CDH23: variants seen among roughly 807,000 people sequenced by gnomAD.
The protein encoded by CDH23 is cadherin related 23.
CDH23 carries 189 observed loss-of-function variants against 317.1 expected under a neutral mutation model. That is an observed-to-expected ratio of 0.60 (90% CI 0.53 to 0.67). CDH23 has a LOEUF of 0.67. Ranked by LOEUF, CDH23 falls within the 30% of genes least tolerant of loss-of-function variation. CDH23 has a pLI of 0.00. For missense variants in CDH23, 4,401 were observed against 4,592.4 expected, an observed-to-expected ratio of 0.96 and a Z score of 1.20; for synonymous variants, 1,839 against 1,876.8, an observed-to-expected ratio of 0.98 and a Z score of 0.52.
chr10:71,790,251 G>T (rs1841210303), intron 45 of CDH23, 37 bp from the exon 46 acceptor site: 1 of 1,611,014 alleles, frequency 6.2e-7, no homozygotes. Flanking sequence ...CAGGGGGCTG[G>T]GTTGGTCTTG....
intron 3 of CDH23, among the ~76,000 whole-genome samples, chr10:71,451,448 G>A (rs573726245): frequency 4.6e-5 from 7 of 152,164 alleles, no homozygotes; most frequent in African/African-American, 9.6e-5. Context: ...CCCCCACCCC[G>A]CTATCCCCCT....
intron 27 of CDH23, among the ~76,000 whole-genome samples, chr10:71,710,763 G>T (rs1203443168): frequency 2.0e-5 from 3 of 152,368 alleles, no homozygotes; most frequent in Non-Finnish European, 4.4e-5. Flanking sequence ...CCATGCAAGG[G>T]CCTGGAGGTG....
At chr10:71,605,507 C>T (rs1343243494) in intron 9 of CDH23, among the ~76,000 whole-genome samples, 1 of 152,176 alleles carries the variant, frequency 6.6e-6, no homozygotes, top group Non-Finnish European at 1.5e-5. Flanking sequence ...GCCCCAAATG[C>T]CACAGTGCTG....
Position 71,812,570 on chromosome 10 carries a change from T to A in CDH23, c.9471T>A (p.Ser3157Arg). 4 of 1,613,690 alleles carry A rather than the reference T, an allele frequency of 2.5e-6. No individual in the cohort carries two copies. The highest frequency in any genetic ancestry group is 3.4e-6 in the Non-Finnish European group (4 of 1,179,834). The change falls in exon 67 of 70, where the codon AGT becomes AGA. Residue 3157 changes from serine (S) to arginine (R), a missense_variant. Physicochemically the swap from Ser to Arg is moderately radical, Grantham distance 110 (BLOSUM62 -1). Around this residue, in one of 3 missense-constraint regions of CDH23, gnomAD observed 1,144 missense variants for 1,138.2 expected, o/e 1.01. Coordinates refer to ENST00000224721, the MANE Select transcript of CDH23 (RefSeq NM_022124.6). ...EHEDDLPENL[S>R]EIADLWNSPT... ...AGGATGACCTACCGGAGAACCTGAG[T>A]GAGATCGCCGACCTGTGGAACAGCC...
At chr10:71,725,297 C>T (rs1400725101) in intron 29 of CDH23, 75 bp from the exon 30 acceptor site, 2 of 1,606,008 alleles carry the variant, frequency 1.2e-6, no homozygotes, top group Non-Finnish European at 1.7e-6. Flanking sequence ...CTTCTGCCCC[C>T]AACCATGGCA....
intron 6 of CDH23, among the ~76,000 whole-genome samples, chr10:71,532,711 G>GTTTTTTTTTGTTTTTTTTTTTTTTTTT (rs1855452212): frequency 2.3e-5 from 3 of 128,098 alleles, no homozygotes; most frequent in East Asian, 2.0e-4. Flanking sequence ...TTTTGTTTTT[G>GTTTTTTTTTGTTTTTTTTTTTTTTTTT]TTTTTTTTTT....
intron 1 of CDH23, among the ~76,000 whole-genome samples, chr10:71,413,841 A>G (rs1848431400): frequency 6.6e-6 from 1 of 152,210 alleles, no homozygotes; most frequent in East Asian, 1.9e-4. Flanking sequence ...GCTTAGCAAT[A>G]TTTGTTAGTT....
intron 32 of CDH23, chr10:71,732,721 A>T: frequency 8.3e-7 from 1 of 1,208,542 alleles, no homozygotes; most frequent in Non-Finnish European, 1.0e-6. Flanking sequence ...GTTTATACCT[A>T]TGCAGGCTGG....
At chr10:71,571,855 T>A (rs10999886) in intron 8 of CDH23, among the ~76,000 whole-genome samples, 86 of 152,304 alleles carry the variant, frequency 5.6e-4, no homozygotes, top group African/African-American at 2.0e-3. Context: ...CTCGTGAGCG[T>A]TCAGGGCCCC....
intron 53 of CDH23, 38 bp from the exon 54 acceptor site, chr10:71,802,860 C>G: frequency 6.2e-7 from 1 of 1,612,226 alleles, no homozygotes; most frequent in Non-Finnish European, 8.5e-7. Context: ...CTGCCCCATC[C>G]TGCTCCTTAC....
chr10:71,716,043 A>C, intron 28 of CDH23: 1 of 1,507,764 alleles, frequency 6.6e-7, no homozygotes, highest in Non-Finnish European at 8.9e-7. Context: ...CTGTGCAGGG[A>C]GAGGCGCAAG....
chr10:71,761,756 C>T, intron 38 of CDH23: 4 of 1,614,130 alleles, frequency 2.5e-6, no homozygotes, highest in Non-Finnish European at 3.4e-6. Context: ...CGACTCCAGC[C>T]CGTGGCGCTG....
At chr10:71,612,575 G>A (rs1189270193) in intron 9 of CDH23, among the ~76,000 whole-genome samples, 1 of 151,978 alleles carries the variant, frequency 6.6e-6, no homozygotes, top group African/African-American at 2.4e-5. Flanking sequence ...CTAAACATTT[G>A]ATAGGCTCCT....
At chr10:71,602,209 T>G (rs1860268864) in intron 9 of CDH23, among the ~76,000 whole-genome samples, 1 of 152,122 alleles carries the variant, frequency 6.6e-6, no homozygotes, top group South Asian at 2.1e-4. Context: ...ACTCTGGAAC[T>G]TGCAGCACTT....
rs763748085 is a variant in CDH23, at chr10:71,810,559, G to C, written c.9067G>C (p.Asp3023His). 6 of 1,613,946 alleles carry C rather than the reference G, an allele frequency of 3.7e-6. No homozygotes were observed. The South Asian group carries it at 4.4e-5, about 12-fold the overall frequency. Residue 3023 changes from aspartate (D) to histidine (H), a missense_variant, in exon 62 of 70, where the codon GAC (aspartate) becomes CAC (histidine). Physicochemically the swap from Asp to His is moderately conservative, Grantham distance 81. Coordinates refer to ENST00000224721, the MANE Select transcript of CDH23 (RefSeq NM_022124.6). The stretch of plus-strand genomic sequence containing the variant: ...GAACCGCGATACCAACCGCATCCTG[G>C]ACGTGGACCGGTGAGTCGGGGCCTG... Reference protein sequence around the residue: ...VVNRDTNRILDVDRVIQMIDE... With the variant: ...VVNRDTNRILHVDRVIQMIDE...
rs1251075845 is a variant in CDH23 at position 71,704,978 on chromosome 10, C to T, written c.2801C>T (p.Pro934Leu). 3 of 1,612,676 alleles carry T rather than the reference C, an allele frequency of 1.9e-6. No homozygotes were observed. The highest frequency in any genetic ancestry group is 2.2e-5 in the East Asian group (1 of 44,850). ...LVSYRMPVGMPRMDFLINSSS... is the reference protein window; with the variant it reads ...LVSYRMPVGMLRMDFLINSSS... Reference sequence around the variant, plus strand: ...TCCTACCGCATGCCGGTGGGCATGCCCCGCATGGACTTCCTCATCAACAGC... The same window carrying T: ...TCCTACCGCATGCCGGTGGGCATGCTCCGCATGGACTTCCTCATCAACAGC... Residue 934 changes from proline (P) to leucine (L), a missense_variant, in exon 25 of 70, where the codon CCC becomes CTC. By Grantham distance (98) the Pro-to-Leu change is moderately conservative. Around this residue, in one of 3 missense-constraint regions of CDH23, gnomAD observed 3,068 missense variants for 3,203.3 expected, o/e 0.96. Transcript: ENST00000224721.
chr10:71,464,099 G>A (rs561418718), intron 3 of CDH23, among the ~76,000 whole-genome samples: 4 of 152,202 alleles, frequency 2.6e-5, no homozygotes, highest in Non-Finnish European at 5.9e-5. Context: ...AGATCATGCA[G>A]CTAGTGAATG....
intron 6 of CDH23, among the ~76,000 whole-genome samples, chr10:71,555,582 C>T (rs1247265042): frequency 6.6e-6 from 1 of 152,140 alleles, no homozygotes; most frequent in African/African-American, 2.4e-5. Context: ...GCAGGGGGAG[C>T]CTGGAGGAGG....
chr10:71,722,746 A>G (rs1401180767), intron 28 of CDH23, among the ~76,000 whole-genome samples: 1 of 152,212 alleles, frequency 6.6e-6, no homozygotes, highest in East Asian at 1.9e-4. Flanking sequence ...GAGGGCATGA[A>G]CATGCAAATA....
Sources: gnomAD v4.1 joint callset for allele counts (sites outside exome capture counted in the v4.1 genomes callset) on GRCh38, gnomAD v4.1.1 for gene constraint, gnomAD v4.1.1 regional missense constraint, MANE v1.5 for transcripts, NCBI Gene and HGNC (gene_info 2026-07-23, HGNC 2026-07-21) for gene names.